The following RAPGEF5 variants were observed in gnomAD, a reference collection of about 807,000 sequenced individuals.
The protein encoded by RAPGEF5 is M-Ras-regulated GEF.
In RAPGEF5, 65 loss-of-function variants were observed where a neutral mutation model predicts 125.2. That is an observed-to-expected ratio of 0.52 (90% CI 0.43 to 0.64). The LOEUF (loss-of-function observed/expected upper bound fraction) is 0.64, where lower values mean the gene tolerates loss of function less well. RAPGEF5 is among the 30% of genes least tolerant of loss of function. The pLI is 0.00. For missense variants in RAPGEF5, 958 were observed against 1,048.1 expected (o/e 0.91, Z 1.19); for synonymous variants, 391 against 385.9 (o/e 1.01, Z -0.16).
chr7:22,171,651 A>G lies in RAPGEF5; in HGVS notation c.1205-4503T>C, dbSNP rs890242260. Among the ~76,000 whole-genome samples the G allele has an allele frequency of 4.6e-5, 7 of 152,172 alleles. No individual in the cohort carries two copies. The South Asian group carries it at 1.5e-3, about 32-fold the overall frequency. On this transcript the variant is annotated intron_variant, in intron 11 of 25. Coordinates refer to ENST00000665637, the MANE Select transcript of RAPGEF5 (RefSeq NM_012294.5). ...GTAGTTGGGACTACAGGTGTGCGCT[A>G]CCACGCCCGGCTAATTTTTGTATTT...
intron 11 of RAPGEF5, among the ~76,000 whole-genome samples, chr7:22,173,978 A>G (rs1784429734): frequency 6.6e-6 from 1 of 152,160 alleles, no homozygotes; most frequent in African/African-American, 2.4e-5. Context: ...ACAGCTGGAA[A>G]TCTAACGGGG....
intron 9 of RAPGEF5, 114 bp downstream of exon 9, chr7:22,219,752 A>T: frequency 2.9e-6 from 4 of 1,381,508 alleles, no homozygotes; most frequent in Non-Finnish European, 3.8e-6. Context: ...GGGGGAAAAA[A>T]ACCCCCAAAA....
At chr7:22,194,076 A>G in intron 9 of RAPGEF5, 43 bp from the exon 10 acceptor site, 1 of 1,535,422 alleles carries the variant, frequency 6.5e-7, no homozygotes, top group Non-Finnish European at 8.9e-7. Context: ...AAGGAAAAAG[A>G]GAGAGAAAAT....
intron 6 of RAPGEF5, among the ~76,000 whole-genome samples, chr7:22,288,909 C>A: frequency 6.6e-6 from 1 of 152,114 alleles, no homozygotes. Flanking sequence ...ATCTGTTGTT[C>A]AAAAAAATCT....
At chr7:22,321,846 G>A (rs1438381154) in intron 1 of RAPGEF5, among the ~76,000 whole-genome samples, 1 of 152,194 alleles carries the variant, frequency 6.6e-6, no homozygotes, top group Admixed American at 6.5e-5. Flanking sequence ...TAAAGGCTAT[G>A]ATCTATTAAG....
At chr7:22,298,451 T>A (rs1783117820) in intron 5 of RAPGEF5, 1 of 152,174 alleles carries the variant, frequency 6.6e-6, no homozygotes. Context: ...AGTGTAGGGA[T>A]TACAGGCATG....
In RAPGEF5 at chr7:22,279,188, C is replaced by T. The variant is rs890467621; in HGVS notation, c.747+11987G>A. On this transcript the variant is annotated intron_variant, in intron 6 of 25. Transcript: ENST00000665637. Reference sequence around the variant, plus strand: ...TATCTATTTTTAAAACTGTCTTTTGCCCATTCAATTCTCAGAACCCCACGT... The same window carrying T: ...TATCTATTTTTAAAACTGTCTTTTGTCCATTCAATTCTCAGAACCCCACGT... Among the ~76,000 whole-genome samples the T allele has an allele frequency of 3.3e-5, 5 of 152,204 alleles. 1 individual carries two copies. Among genetic ancestry groups the T allele is most frequent in the Admixed American group, 3.3e-4 (5 of 15,294 alleles).
intron 5 of RAPGEF5, among the ~76,000 whole-genome samples, chr7:22,293,541 C>T (rs1432128003): frequency 2.0e-5 from 3 of 152,110 alleles, no homozygotes; most frequent in Non-Finnish European, 4.4e-5. Context: ...TCTTCTTGTA[C>T]CCAGATGCCT....
rs148728705 is a variant in RAPGEF5, at chr7:22,265,547, C to T, written c.796+1417G>A. On this transcript the variant is annotated intron_variant, in intron 7 of 25. Coordinates refer to ENST00000665637, the MANE Select transcript of RAPGEF5 (RefSeq NM_012294.5). ...TCCACATCTTGCCTATTGTGAACAGCGCTGCAATAAATATGGGAGTGCAGA... is the reference window on the plus strand; with the variant it reads ...TCCACATCTTGCCTATTGTGAACAGTGCTGCAATAAATATGGGAGTGCAGA... Among the ~76,000 whole-genome samples, 751 of 152,232 alleles carry T rather than the reference C, an allele frequency of 4.9e-3. 1 individual carries two copies. Among genetic ancestry groups the T allele is most frequent in the Non-Finnish European group, 7.7e-3 (526 of 68,000 alleles).
intron 5 of RAPGEF5, among the ~76,000 whole-genome samples, chr7:22,294,252 G>C (rs1026861532): frequency 6.6e-6 from 1 of 152,152 alleles, no homozygotes; most frequent in African/African-American, 2.4e-5. Flanking sequence ...AAAGAGAAGA[G>C]AAATAGAGTG....
At chr7:22,127,173 G>C (rs1212885684) in intron 24 of RAPGEF5, among the ~76,000 whole-genome samples, 1 of 151,520 alleles carries the variant, frequency 6.6e-6, no homozygotes, top group African/African-American at 2.4e-5. Context: ...TGAGTAGCTG[G>C]GATTACAGAG....
intron 7 of RAPGEF5, among the ~76,000 whole-genome samples, chr7:22,235,759 C>T (rs1786170927): frequency 6.6e-6 from 1 of 152,062 alleles, no homozygotes; most frequent in African/African-American, 2.4e-5. Context: ...GGAGGCCCTT[C>T]AACAATACTC....
chr7:22,203,511 G>A (rs565549509), intron 9 of RAPGEF5, among the ~76,000 whole-genome samples: 31 of 152,176 alleles, frequency 2.0e-4, no homozygotes, highest in Non-Finnish European at 3.7e-4. Context: ...AATATACACA[G>A]GAGAAAACAC....
At chr7:22,278,225 G>C (rs1302383719) in intron 6 of RAPGEF5, among the ~76,000 whole-genome samples, 1 of 152,006 alleles carries the variant, frequency 6.6e-6, no homozygotes, top group Admixed American at 6.6e-5. Flanking sequence ...CCCTTGAGAT[G>C]TCTCTCAAGT....
intron 8 of RAPGEF5, among the ~76,000 whole-genome samples, chr7:22,226,849 T>C (rs569452839): frequency 4.6e-5 from 7 of 152,288 alleles, no homozygotes; most frequent in East Asian, 3.9e-4. Flanking sequence ...GACAGACCCA[T>C]ACTATAGAAA....
chr7:22,282,927 ATCAC>A (rs965086673), intron 6 of RAPGEF5, among the ~76,000 whole-genome samples: 12 of 152,306 alleles, frequency 7.9e-5, no homozygotes, highest in African/African-American at 2.6e-4. Flanking sequence ...ATACTATAGA[ATCAC>A]TAAATATGTT....
intron 7 of RAPGEF5, among the ~76,000 whole-genome samples, chr7:22,248,039 G>T (rs1057469982): frequency 6.6e-6 from 1 of 152,098 alleles, no homozygotes; most frequent in Non-Finnish European, 1.5e-5. Flanking sequence ...CCTGGGTGAC[G>T]GGATCATGCA....
intron 7 of RAPGEF5, among the ~76,000 whole-genome samples, chr7:22,264,884 T>C (rs1165253975): frequency 6.6e-6 from 1 of 152,238 alleles, no homozygotes; most frequent in African/African-American, 2.4e-5. Flanking sequence ...CATCCCAACT[T>C]GTACGGACTG....
At chr7:22,273,211 A>ATTTTTTTTTTTTTT (rs71026869) in intron 6 of RAPGEF5, among the ~76,000 whole-genome samples, 1 of 96,590 alleles carries the variant, frequency 1.0e-5, no homozygotes. Flanking sequence ...ACTTAGGAGT[A>ATTTTTTTTTTTTTT]TTTTTTTTTT....
Sources: allele counts gnomAD v4.1 joint callset (sites outside exome capture counted in the v4.1 genomes callset), GRCh38; gene constraint gnomAD v4.1.1; transcripts MANE v1.5; gene names NCBI Gene and HGNC (gene_info 2026-07-23, HGNC 2026-07-21).